The following DIP2C variants were observed in gnomAD, a reference collection of about 807,000 sequenced individuals.
The protein encoded by DIP2C is DIP2 acetate--CoA ligase C (putative).
Under a neutral mutation model 192.4 loss-of-function variants are expected in DIP2C, and 33 were observed. The ratio of observed to expected loss-of-function variants is 0.17; its 90% CI spans 0.13 to 0.23. The LOEUF (loss-of-function observed/expected upper bound fraction) is 0.23, where lower values mean the gene tolerates loss of function less well. Ranked by LOEUF, DIP2C falls within the 10% of genes least tolerant of loss-of-function variation. The probability of loss-of-function intolerance (pLI) is 1.00; values close to 1 mark genes in which losing one functional copy is unlikely to be tolerated. For synonymous variants in DIP2C, 979 were observed against 864.1 expected (o/e 1.13, Z -2.33); for missense variants, 1,537 against 2,110.1 (o/e 0.73, Z 5.32).
chr10:369,823 T>C, intron 17 of DIP2C, 190 bp from the exon 18 acceptor site: 1 of 1,297,566 alleles, frequency 7.7e-7, no homozygotes, highest in Non-Finnish European at 1.0e-6. Context: ...TGGCAGCGAG[T>C]CTACTGCTTC....
At chr10:688,846 G>A (rs147699170) in intron 1 of DIP2C, among the ~76,000 whole-genome samples, 1 of 152,212 alleles carries the variant, frequency 6.6e-6, no homozygotes, top group Non-Finnish European at 1.5e-5. Context: ...GGGGGAGGTT[G>A]ACGATTCCGC....
At chr10:299,315 A>G (rs1311842267) in intron 32 of DIP2C, among the ~76,000 whole-genome samples, 1 of 151,952 alleles carries the variant, frequency 6.6e-6, no homozygotes, top group Non-Finnish European at 1.5e-5. Flanking sequence ...TCTTCCCATT[A>G]CTCCAGTAAT....
intron 1 of DIP2C, chr10:664,465 A>G (rs1246363143): frequency 6.6e-6 from 1 of 152,208 alleles, no homozygotes; most frequent in Non-Finnish European, 1.5e-5. Flanking sequence ...AAGGCTTTAA[A>G]CCTCAAACGT....
At chr10:331,186 T>C (rs1454068374) in intron 29 of DIP2C, among the ~76,000 whole-genome samples, 5 of 152,192 alleles carry the variant, frequency 3.3e-5, no homozygotes, top group Non-Finnish European at 7.3e-5. Context: ...TATGCTATAA[T>C]ACTAAAGCCA....
At chr10:338,764 C>A (rs557128435) in intron 29 of DIP2C, among the ~76,000 whole-genome samples, 10 of 152,272 alleles carry the variant, frequency 6.6e-5, no homozygotes, top group African/African-American at 2.4e-4. Flanking sequence ...CTGCACCCTG[C>A]CTGGCTGGCA....
intron 1 of DIP2C, among the ~76,000 whole-genome samples, chr10:680,074 A>G (rs1416512338): frequency 2.6e-5 from 4 of 152,182 alleles, no homozygotes; most frequent in Non-Finnish European, 5.9e-5. Flanking sequence ...GACGATGCTG[A>G]CAGTGTGGGC....
chr10:689,333 C>G lies in DIP2C; in HGVS notation c.85+161G>C, dbSNP rs1831457624. ...CGGCCTCACAAACGTCCCTAGGGCG[C>G]GGGGTCTGGGGGTCCGGGGGACGCG... is the stretch of plus-strand genomic sequence containing the variant. On this transcript the variant is annotated intron_variant, in intron 1 of 36. Transcript: ENST00000280886. The surrounding 1 kb of genome is among the most constrained non-coding windows in gnomAD (Gnocchi z 6.1). Among the ~76,000 whole-genome samples the G allele has an allele frequency of 6.6e-6, 1 of 151,460 alleles. No individual in the cohort carries two copies. Among genetic ancestry groups the G allele is most frequent in the Non-Finnish European group, 1.5e-5 (1 of 67,762 alleles).
At chr10:553,309 G>A (rs1345924424) in intron 1 of DIP2C, among the ~76,000 whole-genome samples, 1 of 152,230 alleles carries the variant, frequency 6.6e-6, no homozygotes, top group African/African-American at 2.4e-5. Flanking sequence ...CAGCTGGGAA[G>A]CAGGGCTGCG....
At chr10:482,354 G>A (rs1385770990) in intron 2 of DIP2C, among the ~76,000 whole-genome samples, 2 of 151,502 alleles carry the variant, frequency 1.3e-5, no homozygotes, top group Admixed American at 6.6e-5. Flanking sequence ...GACCATGGGA[G>A]GCCTCTTCCT....
intron 31 of DIP2C, among the ~76,000 whole-genome samples, chr10:323,605 AATT>A (rs1957126199): frequency 6.6e-6 from 1 of 152,160 alleles, no homozygotes; most frequent in Non-Finnish European, 1.5e-5. Context: ...GCAGTGTCTT[AATT>A]TTTTGTGTTT....
At chr10:426,883 C>T (rs1966629614) in intron 4 of DIP2C, among the ~76,000 whole-genome samples, 1 of 152,124 alleles carries the variant, frequency 6.6e-6, no homozygotes, top group Admixed American at 6.5e-5. Context: ...TAGATCCCTA[C>T]TGCACAGATA....
intron 4 of DIP2C, among the ~76,000 whole-genome samples, chr10:434,532 C>A (rs1554854566): frequency 1.3e-5 from 2 of 152,202 alleles, no homozygotes; most frequent in Non-Finnish European, 2.9e-5. Flanking sequence ...CTTGGCCTCC[C>A]AGAGTGTTAG....
chr10:600,678 A>G (rs1453672294), intron 1 of DIP2C, among the ~76,000 whole-genome samples: 1 of 152,162 alleles, frequency 6.6e-6, no homozygotes, highest in Non-Finnish European at 1.5e-5. Context: ...GGGTGTGTGG[A>G]TATTCCTGGG....
Position 342,144 on chromosome 10 carries a change from C to T in DIP2C, c.3454-815G>A, listed in dbSNP as rs375520951. 7.3e-4 allele frequency among the ~76,000 whole-genome samples: 111 copies of T among 152,044 alleles called. 1 individual carries two copies. The highest frequency in any genetic ancestry group is 2.4e-3 in the African/African-American group (100 of 41,502). ...AGCAAGTCATGGAGGAAGGGGTTCT[C>T]GTGTAACCCACTCTCTCTCTTTTTT... On this transcript the variant is annotated intron_variant, in intron 28 of 36. Transcript: ENST00000280886.
At chr10:596,678 A>G (rs1851726934) in intron 1 of DIP2C, among the ~76,000 whole-genome samples, 1 of 152,190 alleles carries the variant, frequency 6.6e-6, no homozygotes, top group Non-Finnish European at 1.5e-5. Context: ...AGGAAGGCAC[A>G]TACTGTGAAT....
intron 1 of DIP2C, among the ~76,000 whole-genome samples, chr10:575,364 G>A (rs1850086286): frequency 3.3e-5 from 5 of 152,194 alleles, no homozygotes; most frequent in Non-Finnish European, 5.9e-5. Context: ...TGAAGGGACT[G>A]GTAAACTTCA....
chr10:528,433 G>GCTCCCCCAGAACGCAGACCGCCCC (rs1847184065), intron 1 of DIP2C, among the ~76,000 whole-genome samples: 1 of 149,522 alleles, frequency 6.7e-6, no homozygotes, highest in Non-Finnish European at 1.5e-5. Context: ...CAGACCGCCC[G>GCTCCCCCAGAACGCAGACCGCCCC]CTGCTCCCCC....
intron 2 of DIP2C, among the ~76,000 whole-genome samples, chr10:481,747 C>T (rs1483031187): frequency 6.6e-6 from 1 of 152,196 alleles, no homozygotes; most frequent in Non-Finnish European, 1.5e-5. Context: ...GACACGGTGG[C>T]GTCTGCCCTC....
intron 14 of DIP2C, 104 bp downstream of exon 14, chr10:387,641 C>G: frequency 2.1e-6 from 2 of 967,348 alleles, no homozygotes; most frequent in Non-Finnish European, 3.3e-6. Flanking sequence ...GGAGGGGACT[C>G]CTGTGTGGAC....
Sources: gnomAD v4.1 joint callset for allele counts (sites outside exome capture counted in the v4.1 genomes callset) on GRCh38, gnomAD v4.1.1 for gene constraint, Gnocchi (gnomAD v3.1) non-coding constraint, MANE v1.5 for transcripts, NCBI Gene and HGNC (gene_info 2026-07-23, HGNC 2026-07-21) for gene names.